The following CNBP variants were observed in gnomAD, a reference collection of about 807,000 sequenced individuals.
CNBP encodes the protein cellular nucleic acid-binding protein.
In CNBP, 6 loss-of-function variants were observed where a neutral mutation model predicts 21.2. The ratio of observed to expected loss-of-function variants is 0.28; its 90% CI spans 0.16 to 0.56. The LOEUF (loss-of-function observed/expected upper bound fraction) is 0.56, where lower values mean the gene tolerates loss of function less well. Ranked by LOEUF, CNBP falls within the 20% of genes least tolerant of loss-of-function variation. CNBP has a pLI of 0.93. For synonymous variants in CNBP, 61 were observed against 74.9 expected (o/e 0.81, Z 0.96); for missense variants, 112 against 233.1 (o/e 0.48, Z 3.38).
In CNBP at chr3:129,168,713, G is replaced by A. The variant is rs1937512455; in HGVS notation, c.*1740C>T. Among the ~76,000 whole-genome samples, 1 of 150,052 alleles carries A rather than the reference G, an allele frequency of 6.7e-6. No individual in the cohort carries two copies. The highest frequency in any genetic ancestry group is 2.5e-5 in the African/African-American group (1 of 40,672). On this transcript the variant is annotated 3_prime_UTR_variant, in exon 5 of 5. Coordinates refer to ENST00000422453, the MANE Select transcript of CNBP (RefSeq NM_003418.5). ...ACGGTGGCTCGCACCTGTAACACTA[G>A]CACTTTGGGGGGCGGGGCAGGTGGA...
At chr3:129,182,073 T>A (rs555756518) in intron 1 of CNBP, among the ~76,000 whole-genome samples, 1 of 152,142 alleles carries the variant, frequency 6.6e-6, no homozygotes, top group East Asian at 1.9e-4. Context: ...CTATATCTCT[T>A]ATCTTTTTGA....
intron 1 of CNBP, among the ~76,000 whole-genome samples, chr3:129,177,259 T>C (rs986222222): frequency 8.5e-5 from 13 of 152,220 alleles, no homozygotes; most frequent in African/African-American, 3.1e-4. Flanking sequence ...GGTTTGTGTT[T>C]TCTCTGGAAA....
intron 1 of CNBP, among the ~76,000 whole-genome samples, chr3:129,178,868 G>C (rs1369301765): frequency 6.6e-6 from 1 of 151,566 alleles, no homozygotes; most frequent in Non-Finnish European, 1.5e-5. Context: ...TCAACCTCTC[G>C]AGTAGCTGGG....
At chr3:129,181,830 T>C (rs1938322702) in intron 1 of CNBP, among the ~76,000 whole-genome samples, 1 of 151,804 alleles carries the variant, frequency 6.6e-6, no homozygotes, top group Non-Finnish European at 1.5e-5. Context: ...AGAGATGAAA[T>C]CGGAAAAACT....
At position 129,167,934 on chromosome 3, in the gene CNBP, A is replaced by G. The variant is rs1937480582; in HGVS notation, c.*2519T>C. 6.6e-6 allele frequency among the ~76,000 whole-genome samples: 1 copy of G among 152,236 alleles called. No individual in the cohort carries two copies. Among genetic ancestry groups the G allele is most frequent in the African/African-American group, 2.4e-5 (1 of 41,452 alleles). ...AGCTTATATTCATAAAGAAATGGGT[A>G]TGTTATTACCTCTTTTTCTTGCTTG... On this transcript the variant is annotated 3_prime_UTR_variant, in exon 5 of 5. Coordinates refer to ENST00000422453, the MANE Select transcript of CNBP (RefSeq NM_003418.5).
At position 129,171,290 on chromosome 3, in the gene CNBP, G is replaced by C; in HGVS notation, c.218-13C>G. On this transcript the variant is annotated splice_polypyrimidine_tract_variant and intron_variant, in intron 3 of 4. Coordinates refer to ENST00000422453, the MANE Select transcript of CNBP (RefSeq NM_003418.5). ...CAGTTATAGCAGGCTTCAACAATAAGGAAAAGAAACAGGCCAAGACTATAA... is the reference window on the plus strand; with the variant it reads ...CAGTTATAGCAGGCTTCAACAATAACGAAAAGAAACAGGCCAAGACTATAA... 2 of 1,613,978 alleles carry C rather than the reference G, an allele frequency of 1.2e-6. No individual in the cohort carries two copies. Among genetic ancestry groups the C allele is most frequent in the Middle Eastern group, 3.3e-4 (2 of 6,062 alleles).
At chr3:129,176,379 AAT>A (rs1937908889) in intron 1 of CNBP, among the ~76,000 whole-genome samples, 1 of 152,214 alleles carries the variant, frequency 6.6e-6, no homozygotes, top group South Asian at 2.1e-4. Context: ...ACACTTTGTT[AAT>A]ATCTGTCTAA....
In CNBP at chr3:129,169,883, CTG is replaced by C. The variant is rs1207037978; in HGVS notation, c.*568_*569del. ...ACCATCTATGTGTCCAACATCAACA[CTG>C]TGATGAAGTTGTTCCTGTTTAGGCT... On this transcript the variant is annotated 3_prime_UTR_variant, in exon 5 of 5. Transcript: ENST00000422453. 4.3e-6 allele frequency: 1 copy of C among 230,038 alleles called. No homozygotes were observed. The allele number at this position is 230,038 out of a possible 1,614,324, so 14.2% of individuals were successfully genotyped here. A position where few individuals can be genotyped will look rare whatever the true frequency, so the allele number is the denominator to read the frequency against.
At chr3:129,172,588 GCAGGCAGGCAGGCAGGCAGA>G (rs796384068) in intron 1 of CNBP, among the ~76,000 whole-genome samples, 926 of 28,056 alleles carry the variant, frequency 0.033, 5 homozygotes, top group South Asian at 0.061. Context: ...AGGCAGGCAG[GCAGGCAGGCAGGCAGGCAGA>G]CAGGCAGACA....
At chr3:129,172,768 A>G (rs1018663128) in intron 1 of CNBP, among the ~76,000 whole-genome samples, 2 of 151,766 alleles carry the variant, frequency 1.3e-5, no homozygotes, top group African/African-American at 4.8e-5. Flanking sequence ...TCCAAGTCCA[A>G]CTTAATGGAC....
At chr3:129,177,543 C>T (rs1164278039) in intron 1 of CNBP, among the ~76,000 whole-genome samples, 1 of 152,174 alleles carries the variant, frequency 6.6e-6, no homozygotes, top group Non-Finnish European at 1.5e-5. Context: ...ATATTCCTTC[C>T]ACTTTCGCCA....
rs1224993674 is a variant in CNBP, at chr3:129,167,901, A to C, written c.*2552T>G. ...CTCAGTAAAAATAGCACATGAAAAA[A>C]TATTATAAGCTTATATTCATAAAGA... is the stretch of plus-strand genomic sequence containing the variant. On this transcript the variant is annotated 3_prime_UTR_variant, in exon 5 of 5. Transcript: ENST00000422453. 2.6e-5 allele frequency among the ~76,000 whole-genome samples: 4 copies of C among 152,244 alleles called. No individual in the cohort carries two copies. The highest frequency in any genetic ancestry group is 5.9e-5 in the Non-Finnish European group (4 of 68,046).
chr3:129,171,450 C>G lies in CNBP; in HGVS notation c.213G>C (p.Glu71Asp), dbSNP rs1240099761. ...AAGGAAGTGTTAAATACTTACCATC[C>G]TCCTGAAGATCACAATCCTTGGCAA... ...GHLAKDCDLQ[E>D]DACYNCGRGG... is the part of the protein sequence containing the mutation. The change falls in exon 3 of 5, where the codon GAG becomes GAC. Residue 71 changes from glutamate to aspartate, a missense_variant. Glu to Asp is a conservative substitution (Grantham distance 45). Transcript: ENST00000422453. 5.0e-6 allele frequency: 8 copies of G among 1,613,176 alleles called. No homozygotes were observed. Among genetic ancestry groups the G allele is most frequent in the Non-Finnish European group, 6.8e-6 (8 of 1,179,202 alleles).
rs1167869521 is a variant in CNBP at position 129,171,262 on chromosome 3, C to A, written c.233G>T (p.Gly78Val). The change falls in exon 4 of 5, where the codon GGT becomes GTT. Residue 78 changes from glycine (G) to valine (V), a missense_variant. Transcript: ENST00000422453. The part of the protein sequence containing the change: ...DLQEDACYNC[G>V]RGGHIAKDCK... ...GTCCTTGGCAATGTGGCCACCTCTA[C>A]CGCAGTTATAGCAGGCTTCAACAAT... The A allele has an allele frequency of 1.2e-6, 2 of 1,614,238 alleles. No homozygotes were observed. Among genetic ancestry groups the A allele is most frequent in the Admixed American group, 3.3e-5 (2 of 60,028 alleles).
chr3:129,169,112 A>T lies in CNBP; in HGVS notation c.*1341T>A, dbSNP rs915489116. Among the ~76,000 whole-genome samples the T allele has an allele frequency of 1.3e-4, 19 of 151,494 alleles. No individual in the cohort carries two copies. The highest frequency in any genetic ancestry group is 1.2e-3 in the Admixed American group (18 of 15,206). On this transcript the variant is annotated 3_prime_UTR_variant, in exon 5 of 5. Coordinates refer to ENST00000422453, the MANE Select transcript of CNBP (RefSeq NM_003418.5). ...GCGACACTCTGTCTCAAAAAAAAAT[A>T]AAAAAATAAAATAAAAATAAAAATA...
At chr3:129,178,985 C>A (rs749157584) in intron 1 of CNBP, among the ~76,000 whole-genome samples, 3 of 151,954 alleles carry the variant, frequency 2.0e-5, no homozygotes, top group African/African-American at 7.3e-5. Context: ...TTAATAAAAA[C>A]GAACTATGGG....
At chr3:129,174,636 G>GT (rs1229594001) in intron 1 of CNBP, among the ~76,000 whole-genome samples, 2 of 144,868 alleles carry the variant, frequency 1.4e-5, no homozygotes, top group Non-Finnish European at 3.0e-5. Context: ...TCCAACGTGG[G>GT]TTACAAGAGT....
rs1472186982 is a variant in CNBP, at chr3:129,168,519, C to T, written c.*1934G>A. Among the ~76,000 whole-genome samples the T allele has an allele frequency of 1.1e-3, 28 of 25,522 alleles. No individual in the cohort carries two copies. The highest frequency in any genetic ancestry group is 2.4e-3 in the African/African-American group (15 of 6,370). 16.7% of individuals were successfully genotyped at this position (25,522 alleles called of 152,430 possible). ...GGCTGAGGCAGGAGAATTACTTGAA[C>T]GGGGTGTGGGGGTGGGGGGTGGAGG... On this transcript the variant is annotated 3_prime_UTR_variant, in exon 5 of 5. Coordinates refer to ENST00000422453, the MANE Select transcript of CNBP (RefSeq NM_003418.5).
At chr3:129,174,631 C>T (rs376972557) in intron 1 of CNBP, among the ~76,000 whole-genome samples, 2 of 136,254 alleles carry the variant, frequency 1.5e-5, no homozygotes, top group African/African-American at 2.8e-5. Context: ...TGCACTCCAA[C>T]GTGGGTTACA....
Sources: gnomAD v4.1 joint callset for allele counts (sites outside exome capture counted in the v4.1 genomes callset) on GRCh38, gnomAD v4.1.1 for gene constraint, MANE v1.5 for transcripts, NCBI Gene and HGNC (gene_info 2026-07-23, HGNC 2026-07-21) for gene names.